The following IMMP2L variants were observed in gnomAD, a reference collection of about 807,000 sequenced individuals.
IMMP2L encodes the protein mitochondrial inner membrane protease subunit 2.
Under a neutral mutation model 19.3 loss-of-function variants are expected in IMMP2L, and 18 were observed. The observed-to-expected ratio is 0.93, with a 90% CI of 0.64 to 1.38. The LOEUF (loss-of-function observed/expected upper bound fraction) is 1.38. Ranked by LOEUF, IMMP2L falls within the 40% of genes most tolerant of loss-of-function variation. The probability of loss-of-function intolerance (pLI) is 0.00; values close to 1 mark genes in which losing one functional copy is unlikely to be tolerated. For synonymous variants in IMMP2L, 76 were observed against 73.0 expected (o/e 1.04, Z -0.21); for missense variants, 233 against 218.2 (o/e 1.07, Z -0.43).
chr7:110,974,564 C>CT (rs1820496278), intron 3 of IMMP2L, among the ~76,000 whole-genome samples: 1 of 152,226 alleles, frequency 6.6e-6, no homozygotes, highest in South Asian at 2.1e-4. Flanking sequence ...GCCCCAAAGC[C>CT]TTACTGATGC....
intron 3 of IMMP2L, among the ~76,000 whole-genome samples, chr7:111,286,087 G>C (rs1166900869): frequency 3.3e-5 from 5 of 152,044 alleles, no homozygotes. Flanking sequence ...AGTACATACA[G>C]TATAACACTA....
chr7:111,146,594 C>T (rs1009785209), intron 3 of IMMP2L, among the ~76,000 whole-genome samples: 2 of 151,964 alleles, frequency 1.3e-5, no homozygotes, highest in African/African-American at 4.8e-5. Context: ...GCACAGAAAG[C>T]AAGAGCCCCT....
chr7:110,823,852 C>T (rs577816525), intron 5 of IMMP2L, among the ~76,000 whole-genome samples: 2 of 152,094 alleles, frequency 1.3e-5, no homozygotes, highest in South Asian at 2.1e-4. Flanking sequence ...AACATTATGG[C>T]TATTCATTAA....
intron 3 of IMMP2L, among the ~76,000 whole-genome samples, chr7:111,102,707 A>T (rs1399791951): frequency 6.6e-6 from 1 of 151,576 alleles, no homozygotes; most frequent in Admixed American, 6.6e-5. Context: ...AATAAATAGA[A>T]TAATCCAGCT....
intron 3 of IMMP2L, among the ~76,000 whole-genome samples, chr7:111,217,234 C>T (rs77655362): frequency 0.011 from 1,705 of 151,636 alleles, 35 homozygotes; most frequent in African/African-American, 0.038. Flanking sequence ...AATTCTTTAT[C>T]TTAAAGCTAG....
chr7:110,825,590 G>A (rs939218327), intron 5 of IMMP2L, among the ~76,000 whole-genome samples: 3 of 152,090 alleles, frequency 2.0e-5, no homozygotes, highest in African/African-American at 7.2e-5. Context: ...ATGGGGAAAG[G>A]ATTCCCTATT....
intron 3 of IMMP2L, among the ~76,000 whole-genome samples, chr7:111,485,299 T>C (rs1842536070): frequency 1.3e-5 from 2 of 151,738 alleles, no homozygotes; most frequent in African/African-American, 4.8e-5. Context: ...CATAACTGAG[T>C]CATTAAAAAC....
intron 4 of IMMP2L, among the ~76,000 whole-genome samples, chr7:110,897,763 A>T (rs1054501630): frequency 6.6e-6 from 1 of 152,162 alleles, no homozygotes; most frequent in Non-Finnish European, 1.5e-5. Context: ...AAAAAGAACA[A>T]ATTAGAGCCA....
chr7:110,787,298 T>C lies in IMMP2L; in HGVS notation c.408+99295A>G, dbSNP rs550523276. ...TAAGATGAGTTAGTGTATGGACAGG[T>C]ATTTTATAAAGAACCTTACAAAGCT... is the stretch of plus-strand genomic sequence containing the variant. On this transcript the variant is annotated intron_variant, in intron 5 of 5. Transcript: ENST00000405709. 5.2e-4 allele frequency among the ~76,000 whole-genome samples: 79 copies of C among 152,098 alleles called. 1 individual carries two copies. Among genetic ancestry groups the C allele is most frequent in the Non-Finnish European group, 2.8e-4 (19 of 67,930 alleles).
chr7:111,302,285 T>C (rs1281924386), intron 3 of IMMP2L, among the ~76,000 whole-genome samples: 1 of 152,076 alleles, frequency 6.6e-6, no homozygotes, highest in Non-Finnish European at 1.5e-5. Flanking sequence ...TACCTGAAAA[T>C]TTTATCATTT....
intron 3 of IMMP2L, among the ~76,000 whole-genome samples, chr7:111,377,402 CCTCTATAGTACAG>C (rs771712937): frequency 3.5e-4 from 53 of 151,690 alleles, no homozygotes; most frequent in Non-Finnish European, 6.3e-4. Flanking sequence ...GTATAGCATC[CCTCTATAGTACAG>C]CTCTATAGTA....
At chr7:111,071,689 AG>A (rs368584619) in intron 3 of IMMP2L, among the ~76,000 whole-genome samples, 2 of 152,150 alleles carry the variant, frequency 1.3e-5, no homozygotes, top group African/African-American at 2.4e-5. Context: ...AAATTCACAG[AG>A]ACAAAAAGCA....
intron 2 of IMMP2L, among the ~76,000 whole-genome samples, chr7:111,497,729 T>A (rs146425867): frequency 6.6e-6 from 1 of 152,140 alleles, no homozygotes; most frequent in East Asian, 1.9e-4. Flanking sequence ...CTATGCAATC[T>A]TCAGTAAGTT....
chr7:111,138,369 T>C (rs569488972), intron 3 of IMMP2L, among the ~76,000 whole-genome samples: 1 of 152,208 alleles, frequency 6.6e-6, no homozygotes. Context: ...GCTCTCACTT[T>C]GTCCAATGAC....
intron 3 of IMMP2L, among the ~76,000 whole-genome samples, chr7:111,155,222 G>A (rs376388832): frequency 6.6e-6 from 1 of 152,052 alleles, no homozygotes; most frequent in East Asian, 1.9e-4. Flanking sequence ...TCCTTAAGTG[G>A]AATGCAGATA....
chr7:111,466,798 A>C (rs1053088089), intron 3 of IMMP2L, among the ~76,000 whole-genome samples: 1 of 152,116 alleles, frequency 6.6e-6, no homozygotes, highest in Non-Finnish European at 1.5e-5. Context: ...TTTCCCTCTT[A>C]TTATTCCCTA....
intron 3 of IMMP2L, among the ~76,000 whole-genome samples, chr7:111,183,941 T>C (rs1016804396): frequency 6.6e-6 from 1 of 152,096 alleles, no homozygotes; most frequent in South Asian, 2.1e-4. Flanking sequence ...TGGGAAGTTA[T>C]TTAATTTCTC....
intron 3 of IMMP2L, among the ~76,000 whole-genome samples, chr7:111,017,746 C>T (rs887699313): frequency 6.6e-6 from 1 of 152,104 alleles, no homozygotes; most frequent in African/African-American, 2.4e-5. Flanking sequence ...GGGCCCAGCC[C>T]TCATTAAGCC....
At chr7:111,214,994 A>G (rs1030594843) in intron 3 of IMMP2L, among the ~76,000 whole-genome samples, 1 of 152,098 alleles carries the variant, frequency 6.6e-6, no homozygotes, top group African/African-American at 2.4e-5. Flanking sequence ...CAAAAATCAA[A>G]AACCAGTTCT....
Sources: allele counts gnomAD v4.1 joint callset (sites outside exome capture counted in the v4.1 genomes callset), GRCh38; gene constraint gnomAD v4.1.1; transcripts MANE v1.5; gene names NCBI Gene and HGNC (gene_info 2026-07-23, HGNC 2026-07-21).